ZC3H6: variants seen among roughly 807,000 people sequenced by gnomAD.
ZC3H6 encodes zinc finger CCCH-type containing 6, also known as zinc finger CCCH domain-containing protein 6.
ZC3H6 carries 40 observed loss-of-function variants against 107.7 expected under a neutral mutation model. The observed-to-expected ratio is 0.37, with a 90% CI of 0.29 to 0.48. The LOEUF is 0.48. Ranked by LOEUF, ZC3H6 falls within the 20% of genes least tolerant of loss-of-function variation. The pLI is 0.98. For synonymous variants in ZC3H6, 493 were observed against 487.9 expected (o/e 1.01, Z -0.14); for missense variants, 1,267 against 1,410.4 (o/e 0.90, Z 1.63).
chr2:112,299,308 G>A (rs903014373), intron 1 of ZC3H6, among the ~76,000 whole-genome samples: 23 of 151,350 alleles, frequency 1.5e-4, no homozygotes, highest in African/African-American at 5.3e-4. Context: ...AGAACTGTAT[G>A]CATAGGGACA....
At chr2:112,311,999 C>A in intron 5 of ZC3H6, 62 bp downstream of exon 5, 1 of 1,456,594 alleles carries the variant, frequency 6.9e-7, no homozygotes, top group South Asian at 1.5e-5. Context: ...TATTTGATGG[C>A]AAAGAAAGCA....
In ZC3H6 at chr2:112,327,349, G is replaced by A. The variant is rs548784034; in HGVS notation, c.2086+2152G>A. ...TGAGAAATGTCTATTCAGATATTTC[G>A]CCCATTTTTAAATTGGATTATTGAT... On this transcript the variant is annotated intron_variant, in intron 11 of 11. Coordinates refer to ENST00000409871, the MANE Select transcript of ZC3H6 (RefSeq NM_198581.3). Among the ~76,000 whole-genome samples the A allele has an allele frequency of 3.7e-4, 57 of 152,172 alleles. No homozygotes were observed. The South Asian group carries it at 0.011, about 29-fold the overall frequency.
At position 112,324,187 on chromosome 2, in the gene ZC3H6, G is replaced by T. The variant is rs1044088819; in HGVS notation, c.1376G>T (p.Gly459Val). The change falls in exon 10 of 12, where the codon GGA becomes GTA. Residue 459 changes from glycine to valine, a missense_variant. Physicochemically the swap from Gly to Val is moderately radical, Grantham distance 109. This residue lies in a region of ZC3H6 where 925 missense variants were observed against 1,025.7 expected (regional missense o/e 0.90). Transcript: ENST00000409871. ...TTTTATACCAGTGCCTCACCACCAGGACCACAATTTCAGGGAAGCAGTCCA... is the reference window on the plus strand; with the variant it reads ...TTTTATACCAGTGCCTCACCACCAGTACCACAATTTCAGGGAAGCAGTCCA... The part of the protein sequence containing the change: ...PAFYTSASPP[G>V]PQFQGSSPHP... 2 of 1,590,812 alleles carry T rather than the reference G, an allele frequency of 1.3e-6. No individual in the cohort carries two copies. Among genetic ancestry groups the T allele is most frequent in the South Asian group, 1.1e-5 (1 of 90,190 alleles).
intron 1 of ZC3H6, among the ~76,000 whole-genome samples, chr2:112,278,069 CT>C (rs1686459350): frequency 6.6e-6 from 1 of 152,162 alleles, no homozygotes; most frequent in African/African-American, 2.4e-5. Flanking sequence ...ATCAGAATCA[CT>C]TTGGGGAATA....
At position 112,337,225 on chromosome 2, in the gene ZC3H6, T is replaced by C. The variant is rs912147487; in HGVS notation, c.*4737T>C. ...ACAAGATTACTTCATGGTGAAAGTTTGGATTGATCAATAATTTATTCCTAT... is the reference window on the plus strand; with the variant it reads ...ACAAGATTACTTCATGGTGAAAGTTCGGATTGATCAATAATTTATTCCTAT... On this transcript the variant is annotated 3_prime_UTR_variant, in exon 12 of 12. Transcript: ENST00000409871. 1 of 152,198 alleles carries C rather than the reference T, an allele frequency of 6.6e-6. No individual in the cohort carries two copies. Among genetic ancestry groups the C allele is most frequent in the Non-Finnish European group, 1.5e-5 (1 of 68,036 alleles). 9.4% of individuals were successfully genotyped at this position (152,198 alleles called of 1,614,324 possible).
chr2:112,290,830 G>A (rs1250234634), intron 1 of ZC3H6, among the ~76,000 whole-genome samples: 1 of 152,230 alleles, frequency 6.6e-6, no homozygotes, highest in African/African-American at 2.4e-5. Context: ...ATTGAACTTT[G>A]GTAGTGTGCC....
intron 3 of ZC3H6, among the ~76,000 whole-genome samples, chr2:112,307,686 A>G (rs1484695172): frequency 6.6e-6 from 1 of 152,186 alleles, no homozygotes; most frequent in African/African-American, 2.4e-5. Context: ...GTGAATGCGA[A>G]TGTGAAGGAC....
intron 2 of ZC3H6, among the ~76,000 whole-genome samples, chr2:112,300,474 G>A (rs1257566916): frequency 6.6e-6 from 1 of 152,150 alleles, no homozygotes; most frequent in Non-Finnish European, 1.5e-5. Context: ...CAAATTGCTA[G>A]GTTTACAGGT....
At chr2:112,311,480 A>G (rs1040223660) in intron 4 of ZC3H6, among the ~76,000 whole-genome samples, 3 of 152,208 alleles carry the variant, frequency 2.0e-5, no homozygotes, top group Non-Finnish European at 4.4e-5. Context: ...TTCCTTAAAT[A>G]GGAATATAAT....
chr2:112,313,521 ATTAAG>A (rs1362664675), intron 5 of ZC3H6, among the ~76,000 whole-genome samples: 2 of 152,214 alleles, frequency 1.3e-5, no homozygotes. Context: ...AGGGTATAGT[ATTAAG>A]TTAACTCTAA....
chr2:112,294,546 G>T (rs1676190848), intron 1 of ZC3H6, among the ~76,000 whole-genome samples: 1 of 152,082 alleles, frequency 6.6e-6, no homozygotes, highest in Non-Finnish European at 1.5e-5. Context: ...CATCTATCAG[G>T]AGTACTTGTA....
intron 11 of ZC3H6, 122 bp downstream of exon 11, chr2:112,325,319 C>T: frequency 1.1e-6 from 1 of 877,074 alleles, no homozygotes; most frequent in Non-Finnish European, 1.8e-6. Flanking sequence ...CATGGTGAAA[C>T]CCCATCTCTA....
At chr2:112,322,184 CT>C (rs1676814778) in intron 8 of ZC3H6, among the ~76,000 whole-genome samples, 1 of 146,776 alleles carries the variant, frequency 6.8e-6, no homozygotes, top group Non-Finnish European at 1.5e-5. Context: ...CTTGCTTTTT[CT>C]TTCTTATTTC....
rs1448573180 is a variant in ZC3H6, at chr2:112,316,225, T to A, written c.748-245T>A. Among the ~76,000 whole-genome samples the A allele has an allele frequency of 2.6e-5, 4 of 151,770 alleles. No homozygotes were observed. In the East Asian group the frequency reaches 7.8e-4, roughly 29 times the overall value. The stretch of plus-strand genomic sequence containing the variant: ...TGTGAATTTTTAAACTTTTTATAAT[T>A]TTATTTAAAAAGTTATTCATCTTCA... On this transcript the variant is annotated intron_variant, in intron 5 of 11. Transcript: ENST00000409871.
At chr2:112,284,684 C>T (rs71414635) in intron 1 of ZC3H6, among the ~76,000 whole-genome samples, 23 of 151,808 alleles carry the variant, frequency 1.5e-4, no homozygotes, top group Non-Finnish European at 8.8e-5. Flanking sequence ...CTTCCTCTAA[C>T]GTCTTTATAT....
Position 112,337,205 on chromosome 2 carries a change from A to C in ZC3H6, c.*4717A>C, listed in dbSNP as rs1044624642. The stretch of plus-strand genomic sequence containing the variant: ...TTTAAGAGTCCTCCAGACTTACAAG[A>C]TTACTTCATGGTGAAAGTTTGGATT... On this transcript the variant is annotated 3_prime_UTR_variant, in exon 12 of 12. Transcript: ENST00000409871. The C allele has an allele frequency of 6.6e-6, 1 of 152,132 alleles. No individual in the cohort carries two copies. The highest frequency in any genetic ancestry group is 2.4e-5 in the African/African-American group (1 of 41,402). The allele number at this position is 152,132 out of a possible 1,614,324, so 9.4% of individuals were successfully genotyped here. A position where few individuals can be genotyped will look rare whatever the true frequency, so the allele number is the denominator to read the frequency against.
intron 1 of ZC3H6, 42 bp downstream of exon 1, chr2:112,276,068 A>T: frequency 6.5e-7 from 1 of 1,530,798 alleles, no homozygotes; most frequent in Non-Finnish European, 8.8e-7. Context: ...GGATGAGAGG[A>T]GGGGTCTGGG....
chr2:112,299,452 C>G (rs539497870), intron 1 of ZC3H6, among the ~76,000 whole-genome samples: 10 of 152,004 alleles, frequency 6.6e-5, no homozygotes, highest in Non-Finnish European at 1.5e-4. Context: ...TCCTGTAAGT[C>G]GAGTGTTTCT....
At chr2:112,314,506 A>G (rs1375775814) in intron 5 of ZC3H6, among the ~76,000 whole-genome samples, 2 of 152,186 alleles carry the variant, frequency 1.3e-5, no homozygotes, top group African/African-American at 4.8e-5. Flanking sequence ...GAAGTAATGT[A>G]TACAGAAAGA....
Sources: allele counts gnomAD v4.1 joint callset (sites outside exome capture counted in the v4.1 genomes callset), GRCh38; gene constraint gnomAD v4.1.1; regional missense constraint gnomAD v4.1.1; transcripts MANE v1.5; gene names NCBI Gene and HGNC (gene_info 2026-07-23, HGNC 2026-07-21).